The following OCM variants were observed in gnomAD, a reference collection of about 807,000 sequenced individuals.
OCM encodes oncomodulin-1.
OCM carries 18 observed loss-of-function variants against 14.1 expected under a neutral mutation model. The ratio of observed to expected loss-of-function variants is 1.28; its 90% confidence interval spans 0.88 to 1.89. The LOEUF (loss-of-function observed/expected upper bound fraction) is 1.89, where lower values mean the gene tolerates loss of function less well. OCM is among the 40% of genes most tolerant of loss of function. The pLI is 0.00. For synonymous variants in OCM, 48 were observed against 51.0 expected (o/e 0.94, Z 0.25); for missense variants, 140 against 137.6 (o/e 1.02, Z -0.09).
chr7:5,874,178 C>G, the OCM span, among the ~76,000 whole-genome samples: 185 of 131,300 alleles, frequency 1.4e-3, 1 homozygote, highest in African/African-American at 5.3e-3. Context: ...GAGCCGAGAT[C>G]GCACCACTAC....
At chr7:5,867,634 C>T in the OCM span, among the ~76,000 whole-genome samples, 3 of 152,020 alleles carry the variant, frequency 2.0e-5, no homozygotes, top group Non-Finnish European at 4.4e-5. Context: ...TATATTAGGC[C>T]ACTTGAAGTT....
chr7:5,873,156 C>T, the OCM span, among the ~76,000 whole-genome samples: 3 of 152,166 alleles, frequency 2.0e-5, no homozygotes, highest in African/African-American at 7.2e-5. Context: ...AGGTGGATTA[C>T]TTGAGGTCAG....
At chr7:5,883,500 A>T (rs143715386) in intron 2 of OCM, among the ~76,000 whole-genome samples, 1 of 152,146 alleles carries the variant, frequency 6.6e-6, no homozygotes, top group African/African-American at 2.4e-5. Context: ...TCTGGGGAAC[A>T]TGACAAAACC....
upstream of OCM, among the ~76,000 whole-genome samples, chr7:5,878,198 C>T (rs975407409): frequency 9.9e-5 from 15 of 151,188 alleles, no homozygotes. Context: ...CTCCTGACCT[C>T]TTGATTTGCC....
the OCM span, among the ~76,000 whole-genome samples, chr7:5,869,906 C>G: frequency 2.0e-5 from 3 of 152,142 alleles, no homozygotes; most frequent in African/African-American, 7.2e-5. Flanking sequence ...AGCACAGAGG[C>G]CCACGCGCCA....
At chr7:5,859,828 G>A in the OCM span, among the ~76,000 whole-genome samples, 1 of 152,044 alleles carries the variant, frequency 6.6e-6, no homozygotes, top group Non-Finnish European at 1.5e-5. Flanking sequence ...CTCGTGAGTA[G>A]CTGGGATTAC....
At chr7:5,873,377 C>CA in the OCM span, among the ~76,000 whole-genome samples, 3 of 151,838 alleles carry the variant, frequency 2.0e-5, no homozygotes, top group East Asian at 5.8e-4. Context: ...AACTCCATCT[C>CA]AAAAAAAATT....
At chr7:5,878,157 T>G (rs10282406), upstream of OCM, among the ~76,000 whole-genome samples, 111,260 of 150,524 alleles carry the variant, frequency 0.74, 41,729 homozygotes, top group African/African-American at 0.86. Context: ...TAGAGATGGG[T>G]TTTCACCACG....
At chr7:5,884,832 A>G (rs2128607349) in intron 3 of OCM, among the ~76,000 whole-genome samples, 1 of 152,260 alleles carries the variant, frequency 6.6e-6, no homozygotes, top group East Asian at 1.9e-4. Context: ...TTTAAACATA[A>G]CCAGGGGCTG....
the OCM span, among the ~76,000 whole-genome samples, chr7:5,865,179 C>T: frequency 2.2e-4 from 34 of 151,788 alleles, no homozygotes; most frequent in Non-Finnish European, 4.6e-4. Context: ...GCGTCGGGGC[C>T]GACGAGTAGT....
In OCM at chr7:5,882,491, A is replaced by G. The variant is rs193133847; in HGVS notation, c.62-2A>G. 4.7e-5 allele frequency: 76 copies of G among 1,614,054 alleles called. No homozygotes were observed. The highest frequency in any genetic ancestry group is 6.1e-5 in the Non-Finnish European group (72 of 1,179,922). On this transcript the variant is annotated splice_acceptor_variant, in intron 1 of 3. Transcript: ENST00000242104. LOFTEE classifies it high-confidence loss of function. Reference sequence around the variant, plus strand: ...CAGAATAACCAATTCTCTGTTCTTCAGACCCAGACACTTTTGAACCCCAAA... The same window carrying G: ...CAGAATAACCAATTCTCTGTTCTTCGGACCCAGACACTTTTGAACCCCAAA...
At chr7:5,861,208 G>A in the OCM span, among the ~76,000 whole-genome samples, 11 of 152,204 alleles carry the variant, frequency 7.2e-5, 1 homozygote, top group African/African-American at 2.4e-4. Context: ...GATCACCTGA[G>A]GTCAGGAGTT....
At chr7:5,860,876 T>G in the OCM span, among the ~76,000 whole-genome samples, 1 of 149,982 alleles carries the variant, frequency 6.7e-6, no homozygotes, top group Non-Finnish European at 1.5e-5. Context: ...ATATATTTAT[T>G]TATTTATTGT....
At chr7:5,875,058 AT>A (rs67221316), upstream of OCM, among the ~76,000 whole-genome samples, 86,800 of 134,412 alleles carry the variant, frequency 0.65, 28,483 homozygotes, top group African/African-American at 0.77. Context: ...ATATATATGT[AT>A]TTTTTTTTTT....
the OCM span, among the ~76,000 whole-genome samples, chr7:5,869,697 C>T: frequency 0.015 from 2,263 of 152,238 alleles, 68 homozygotes; most frequent in African/African-American, 0.052. Flanking sequence ...CTCCTACCTG[C>T]TCCCACCTGC....
upstream of OCM, chr7:5,879,845 A>C (rs1252028157): frequency 6.6e-6 from 1 of 152,066 alleles, no homozygotes; most frequent in Non-Finnish European, 1.5e-5. Flanking sequence ...AAGAGGTTGT[A>C]ACTATCACTT....
chr7:5,869,564 C>G, the OCM span, among the ~76,000 whole-genome samples: 1 of 152,102 alleles, frequency 6.6e-6, no homozygotes. Context: ...CACCACTGCA[C>G]TCCAGCCATG....
intron 1 of OCM, 107 bp downstream of exon 1, chr7:5,881,057 A>T (rs13310249): frequency 1.8e-6 from 2 of 1,113,676 alleles, no homozygotes; most frequent in Admixed American, 3.7e-5. Flanking sequence ...AGTGGCTCAC[A>T]CCTGTAATCC....
chr7:5,880,559 G>C (rs1170275478), upstream of OCM, among the ~76,000 whole-genome samples: 1 of 152,106 alleles, frequency 6.6e-6, no homozygotes, highest in Non-Finnish European at 1.5e-5. Context: ...AGGAGCTCAA[G>C]ACCAGCCTGG....
Sources: allele counts gnomAD v4.1 joint callset (sites outside exome capture counted in the v4.1 genomes callset), GRCh38; gene constraint gnomAD v4.1.1; transcripts MANE v1.5; gene names NCBI Gene and HGNC (gene_info 2026-07-23, HGNC 2026-07-21).